ZNF860: variants seen among roughly 807,000 people sequenced by gnomAD.
ZNF860 encodes zinc finger protein 860.
For missense variants in ZNF860, 641 were observed against 759.2 expected (o/e 0.84, Z 1.83); for synonymous variants, 206 against 248.9 (o/e 0.83, Z 1.62).
At chr3:31,984,170 G>C (rs1698901453) in intron 1 of ZNF860, among the ~76,000 whole-genome samples, 1 of 152,078 alleles carries the variant, frequency 6.6e-6, no homozygotes, top group Non-Finnish European at 1.5e-5. Flanking sequence ...TTCCCCAGTA[G>C]CTGGGACTAC....
chr3:31,994,336 G>A (rs959333034), downstream of ZNF860, among the ~76,000 whole-genome samples: 2 of 152,166 alleles, frequency 1.3e-5, no homozygotes, highest in African/African-American at 2.4e-5. Flanking sequence ...AGAGCTCCAG[G>A]CCTCATAGAA....
chr3:31,991,723 A>G lies in ZNF860; in HGVS notation c.*745A>G, dbSNP rs1007596090. 6.4e-6 allele frequency: 1 copy of G among 156,552 alleles called. No individual in the cohort carries two copies. The highest frequency in any genetic ancestry group is 2.4e-5 in the African/African-American group (1 of 41,434). The allele number at this position is 156,552 out of a possible 1,614,324, so 9.7% of individuals were successfully genotyped here. A position where few individuals can be genotyped will look rare whatever the true frequency, so the allele number is the denominator to read the frequency against. On this transcript the variant is annotated 3_prime_UTR_variant, in exon 2 of 2. Transcript: ENST00000360311. ...TACTTCTTTCTTTCTGAAAAAAAAA[A>G]TGGATAACTAATACAGATGCCTACC...
downstream of ZNF860, among the ~76,000 whole-genome samples, chr3:31,994,491 A>AGGATGGATGGATGGAT (rs200832488): frequency 4.7e-5 from 7 of 149,648 alleles, no homozygotes; most frequent in African/African-American, 1.2e-4. Flanking sequence ...AGGGAAAAAA[A>AGGATGGATGGATGGAT]GGATGGATGG....
chr3:32,002,457 T>C, the ZNF860 span, among the ~76,000 whole-genome samples: 7 of 152,202 alleles, frequency 4.6e-5, no homozygotes, highest in Admixed American at 3.3e-4. Context: ...GGTCTAAATG[T>C]AAAGGTATTA....
In ZNF860 at chr3:31,989,364, T is replaced by A; in HGVS notation, c.285T>A (p.His95Gln). Residue 95 changes from histidine (H) to glutamine (Q), a missense_variant, in exon 2 of 2, where the codon CAT (histidine) becomes CAA (glutamine). Coordinates refer to ENST00000360311, the MANE Select transcript of ZNF860 (RefSeq NM_001137674.3). ...GGACATTAGAAAGACATGAAAGTCA[T>A]CACATTGGAGATTTTTGCTTCCAGA... ...DTGTLERHESHHIGDFCFQKI... is the reference protein window; with the variant it reads ...DTGTLERHESQHIGDFCFQKI... The A allele has an allele frequency of 6.2e-7, 1 of 1,614,194 alleles. No individual in the cohort carries two copies. The highest frequency in any genetic ancestry group is 8.5e-7 in the Non-Finnish European group (1 of 1,180,026).
At chr3:31,986,604 A>T (rs1297744735) in intron 1 of ZNF860, among the ~76,000 whole-genome samples, 1 of 150,060 alleles carries the variant, frequency 6.7e-6, no homozygotes, top group African/African-American at 2.5e-5. Context: ...AAAAGTTTAT[A>T]TTTTTTTATA....
At chr3:31,982,759 C>G (rs12629793) in intron 1 of ZNF860, among the ~76,000 whole-genome samples, 12,681 of 152,174 alleles carry the variant, frequency 0.083, 1,041 homozygotes, top group East Asian at 0.47. Flanking sequence ...CCTTAGTTTT[C>G]TCACTGCAAA....
chr3:31,994,972 C>T (rs536335515), downstream of ZNF860, among the ~76,000 whole-genome samples: 27 of 152,048 alleles, frequency 1.8e-4, no homozygotes, highest in African/African-American at 3.9e-4. Flanking sequence ...CCACCTGAGC[C>T]GCAAAACCAG....
downstream of ZNF860, among the ~76,000 whole-genome samples, chr3:31,992,650 T>C (rs980749150): frequency 1.3e-5 from 2 of 152,186 alleles, no homozygotes; most frequent in African/African-American, 4.8e-5. Flanking sequence ...TGAGCACACC[T>C]GGATGATCTT....
At position 31,991,197 on chromosome 3, in the gene ZNF860, G is replaced by T. The variant is rs753901570; in HGVS notation, c.*219G>T. 1.8e-6 allele frequency: 1 copy of T among 551,126 alleles called. No homozygotes were observed. The highest frequency in any genetic ancestry group is 3.2e-6 in the Non-Finnish European group (1 of 308,432). 34.1% of individuals were successfully genotyped at this position (551,126 alleles called of 1,614,324 possible). ...AGGGTGGCTTATACCTGTAATCCCAGCACTGTGGGAGGTCAAGACGGATAG... is the reference window on the plus strand; with the variant it reads ...AGGGTGGCTTATACCTGTAATCCCATCACTGTGGGAGGTCAAGACGGATAG... On this transcript the variant is annotated 3_prime_UTR_variant, in exon 2 of 2. Transcript: ENST00000360311.
At chr3:32,004,314 A>T in the ZNF860 span, among the ~76,000 whole-genome samples, 2 of 152,102 alleles carry the variant, frequency 1.3e-5, no homozygotes, top group Non-Finnish European at 2.9e-5. Context: ...AGGGAGCAGC[A>T]TGTGGTACTG....
downstream of ZNF860, among the ~76,000 whole-genome samples, chr3:31,992,386 T>C (rs927346390): frequency 1.8e-4 from 28 of 152,196 alleles, no homozygotes; most frequent in Admixed American, 1.1e-3. Context: ...TTTACCGTTC[T>C]GGCAGTCAGA....
downstream of ZNF860, among the ~76,000 whole-genome samples, chr3:31,996,091 C>T (rs1470393484): frequency 6.6e-6 from 1 of 152,176 alleles, no homozygotes; most frequent in Non-Finnish European, 1.5e-5. Flanking sequence ...GCAGAATGTT[C>T]TTGACTGGAT....
chr3:32,005,028 T>A, the ZNF860 span, among the ~76,000 whole-genome samples: 1,589 of 152,332 alleles, frequency 0.01, 10 homozygotes, highest in Middle Eastern at 0.048. Flanking sequence ...TATCACACCG[T>A]AGATCTTAAT....
the ZNF860 span, among the ~76,000 whole-genome samples, chr3:32,002,908 G>T: frequency 4.6e-5 from 7 of 152,160 alleles, 1 homozygote; most frequent in African/African-American, 1.7e-4. Flanking sequence ...TGTCTCAATG[G>T]GGGTGACAGA....
At chr3:31,986,028 T>C (rs1000298873) in intron 1 of ZNF860, among the ~76,000 whole-genome samples, 17 of 152,268 alleles carry the variant, frequency 1.1e-4, no homozygotes, top group South Asian at 8.3e-4. Context: ...ACCACTTGCT[T>C]TGCAATGAAT....
At chr3:31,999,908 C>T in the ZNF860 span, among the ~76,000 whole-genome samples, 1 of 152,126 alleles carries the variant, frequency 6.6e-6, no homozygotes, top group African/African-American at 2.4e-5. Flanking sequence ...CATTCGATTC[C>T]CTTGCCCTTA....
chr3:32,005,929 ATTTAT>A, the ZNF860 span, among the ~76,000 whole-genome samples: 3 of 150,716 alleles, frequency 2.0e-5, no homozygotes, highest in African/African-American at 7.3e-5. Context: ...TACTTTATTT[ATTTAT>A]TTTATTTTTT....
downstream of ZNF860, among the ~76,000 whole-genome samples, chr3:31,992,836 G>A (rs1283485232): frequency 6.6e-6 from 1 of 152,132 alleles, no homozygotes; most frequent in East Asian, 1.9e-4. Flanking sequence ...TGTCCAGAAA[G>A]TTTTTTAAAT....
Sources: allele counts gnomAD v4.1 joint callset (sites outside exome capture counted in the v4.1 genomes callset), GRCh38; gene constraint gnomAD v4.1.1; transcripts MANE v1.5; gene names NCBI Gene and HGNC (gene_info 2026-07-23, HGNC 2026-07-21).